Variants in KIAA1217 observed in about 807,000 individuals in gnomAD.
The protein encoded by KIAA1217 is sickle tail protein homolog.
A neutral mutation model predicts 163.9 loss-of-function variants in KIAA1217; 88 were observed. That is an observed-to-expected ratio of 0.54 (90% CI 0.45 to 0.64). KIAA1217 has a LOEUF of 0.64. KIAA1217 is among the 30% of genes least tolerant of loss of function. The pLI is 0.00. For missense variants in KIAA1217, 2,372 were observed against 2,475.0 expected, an observed-to-expected ratio of 0.96 and a Z score of 0.88; for synonymous variants, 903 against 923.1, an observed-to-expected ratio of 0.98 and a Z score of 0.39.
At chr10:24,278,229 C>T (rs1337583518) in intron 2 of KIAA1217, among the ~76,000 whole-genome samples, 1 of 152,182 alleles carries the variant, frequency 6.6e-6, no homozygotes, top group Non-Finnish European at 1.5e-5. Context: ...GGAAAGTCTT[C>T]ATTTCTGAAA....
At chr10:24,101,119 A>G (rs2062397066) in intron 2 of KIAA1217, among the ~76,000 whole-genome samples, 1 of 152,214 alleles carries the variant, frequency 6.6e-6, no homozygotes, top group Non-Finnish European at 1.5e-5. Context: ...AAGAACTAAA[A>G]CAACAAACTG....
At chr10:23,916,861 AC>A (rs1385291224) in intron 1 of KIAA1217, among the ~76,000 whole-genome samples, 1 of 151,184 alleles carries the variant, frequency 6.6e-6, no homozygotes, top group East Asian at 2.0e-4. Context: ...AATTCCAGCT[AC>A]ACGGGAGGCT....
intron 1 of KIAA1217, among the ~76,000 whole-genome samples, chr10:23,963,336 A>G (rs1474630514): frequency 6.6e-6 from 1 of 151,676 alleles, no homozygotes; most frequent in African/African-American, 2.4e-5. Flanking sequence ...TCATTGTTCA[A>G]CTCCCACTTA....
At chr10:24,357,614 C>T (rs953862473) in intron 2 of KIAA1217, among the ~76,000 whole-genome samples, 2 of 152,094 alleles carry the variant, frequency 1.3e-5, no homozygotes, top group African/African-American at 4.8e-5. Context: ...GAAATAGAAA[C>T]CAGAGGTTTG....
intron 1 of KIAA1217, among the ~76,000 whole-genome samples, chr10:23,761,825 T>G (rs1486964450): frequency 6.8e-6 from 1 of 147,296 alleles, no homozygotes; most frequent in Non-Finnish European, 1.5e-5. Flanking sequence ...TTAGCTGGTG[T>G]TTTTTTTTGT....
At chr10:24,542,449 A>C (rs2075232442) in intron 17 of KIAA1217, 1 of 1,321,764 alleles carries the variant, frequency 7.6e-7, no homozygotes, top group African/African-American at 1.5e-5. Flanking sequence ...CTCCCCTACA[A>C]AATTTTAAAT....
intron 2 of KIAA1217, among the ~76,000 whole-genome samples, chr10:24,078,677 G>C (rs991909348): frequency 7.2e-5 from 11 of 152,178 alleles, no homozygotes; most frequent in African/African-American, 9.7e-5. Flanking sequence ...TGTTCCATGA[G>C]ACAGTGATCT....
At chr10:23,795,660 G>T (rs751881468) in intron 1 of KIAA1217, among the ~76,000 whole-genome samples, 13 of 152,176 alleles carry the variant, frequency 8.5e-5, no homozygotes, top group Admixed American at 2.0e-4. Flanking sequence ...AAAACTTGGG[G>T]TCAGCAGAAG....
chr10:23,800,302 T>A (rs1464667231), intron 1 of KIAA1217, among the ~76,000 whole-genome samples: 1 of 152,108 alleles, frequency 6.6e-6, no homozygotes, highest in Non-Finnish European at 1.5e-5. Context: ...ACAATAAGAT[T>A]AAATAAACAA....
chr10:23,886,412 A>G (rs1359953521), intron 1 of KIAA1217, among the ~76,000 whole-genome samples: 1 of 152,004 alleles, frequency 6.6e-6, no homozygotes, highest in African/African-American at 2.4e-5. Context: ...ACAGTTTCTG[A>G]AAGACAAAAG....
intron 1 of KIAA1217, among the ~76,000 whole-genome samples, chr10:23,844,881 C>T (rs1338659627): frequency 1.3e-5 from 2 of 152,012 alleles, no homozygotes; most frequent in Non-Finnish European, 2.9e-5. Flanking sequence ...TCATGCTATC[C>T]TCCCCTAGCC....
intron 2 of KIAA1217, among the ~76,000 whole-genome samples, chr10:24,200,270 G>T (rs1283425749): frequency 3.3e-5 from 5 of 150,872 alleles, no homozygotes; most frequent in African/African-American, 9.8e-5. Context: ...GAGTGCAGTG[G>T]AGCTATCAGC....
chr10:24,025,686 T>C (rs926982302), intron 2 of KIAA1217, among the ~76,000 whole-genome samples: 6 of 151,766 alleles, frequency 4.0e-5, no homozygotes, highest in Non-Finnish European at 7.4e-5. Flanking sequence ...TTAATTTCCC[T>C]CAGCAAAGTT....
At chr10:23,922,259 GGT>G (rs920308133) in intron 1 of KIAA1217, among the ~76,000 whole-genome samples, 2 of 152,022 alleles carry the variant, frequency 1.3e-5, no homozygotes, top group African/African-American at 4.8e-5. Flanking sequence ...CCCCAGAGAG[GGT>G]ATAAAAATCT....
intron 1 of KIAA1217, among the ~76,000 whole-genome samples, chr10:23,877,205 T>G (rs1840738931): frequency 6.6e-6 from 1 of 151,942 alleles, no homozygotes; most frequent in South Asian, 2.1e-4. Flanking sequence ...GTTAATGAGA[T>G]GTACTCACCT....
chr10:24,293,347 A>C (rs1403926100), intron 2 of KIAA1217, among the ~76,000 whole-genome samples: 1 of 152,244 alleles, frequency 6.6e-6, no homozygotes. Context: ...CTGGGATTAC[A>C]GGCGTGAGCC....
chr10:24,503,530 G>T (rs1306788292), intron 9 of KIAA1217, among the ~76,000 whole-genome samples: 1 of 152,224 alleles, frequency 6.6e-6, no homozygotes, highest in Non-Finnish European at 1.5e-5. Context: ...AGAGACCACA[G>T]TAAATTGGCC....
chr10:23,899,693 C>T (rs1159675343), intron 1 of KIAA1217, among the ~76,000 whole-genome samples: 2 of 152,038 alleles, frequency 1.3e-5, no homozygotes, highest in African/African-American at 2.4e-5. Flanking sequence ...AGGTATCATG[C>T]GGTCCATAGC....
At chr10:24,383,896 G>A (rs2053645630) in intron 3 of KIAA1217, among the ~76,000 whole-genome samples, 1 of 152,226 alleles carries the variant, frequency 6.6e-6, no homozygotes, top group Admixed American at 6.5e-5. Context: ...GTGACTCACA[G>A]CAAGTGCAAA....
Sources: allele counts gnomAD v4.1 joint callset (sites outside exome capture counted in the v4.1 genomes callset), GRCh38; gene constraint gnomAD v4.1.1; transcripts MANE v1.5; gene names NCBI Gene and HGNC (gene_info 2026-07-23, HGNC 2026-07-21).